Variants in PTPRN2 observed in about 807,000 individuals in gnomAD.
PTPRN2 encodes protein tyrosine phosphatase receptor type N2.
In PTPRN2, 74 loss-of-function variants were observed where a neutral mutation model predicts 118.8. The ratio of observed to expected loss-of-function variants is 0.62; its 90% CI spans 0.52 to 0.76. The LOEUF (loss-of-function observed/expected upper bound fraction) is 0.76, where lower values mean the gene tolerates loss of function less well. Among genes scored for constraint, PTPRN2 ranks in the 30% least tolerant of loss-of-function variants. The pLI is 0.00. For synonymous variants in PTPRN2, 641 were observed against 608.0 expected (o/e 1.05, Z -0.80); for missense variants, 1,481 against 1,394.4 (o/e 1.06, Z -0.99).
intron 12 of PTPRN2, among the ~76,000 whole-genome samples, chr7:157,820,980 G>A (rs922767878): frequency 2.6e-5 from 4 of 152,138 alleles, no homozygotes; most frequent in Non-Finnish European, 4.4e-5. Context: ...TCCCACGCTG[G>A]AGGGGAGGCA....
chr7:158,464,770 A>G (rs1226528459), intron 2 of PTPRN2, among the ~76,000 whole-genome samples: 1 of 151,326 alleles, frequency 6.6e-6, no homozygotes, highest in African/African-American at 2.4e-5. Flanking sequence ...CTTCATCATC[A>G]CCATCATCAT....
rs571353489 is a variant in PTPRN2 at position 157,694,470 on chromosome 7, C to G, written c.1789-11533G>C. ...GACCTCAGTGGGGCTGCAGAACTGG[C>G]CTCGCCAAAGCTGAAGGCGGACCCA... is the stretch of plus-strand genomic sequence containing the variant. On this transcript the variant is annotated intron_variant, in intron 12 of 22. Coordinates refer to ENST00000389418, the MANE Select transcript of PTPRN2 (RefSeq NM_002847.5). Among the ~76,000 whole-genome samples, 20 of 152,308 alleles carry G rather than the reference C, an allele frequency of 1.3e-4. No individual in the cohort carries two copies. The East Asian group carries it at 3.7e-3, about 28-fold the overall frequency.
intron 2 of PTPRN2, among the ~76,000 whole-genome samples, chr7:158,440,837 T>C (rs1291033330): frequency 9.9e-6 from 1 of 101,126 alleles, no homozygotes; most frequent in Non-Finnish European, 1.9e-5. Flanking sequence ...GTGGTGGTGA[T>C]GGCAGTGACG....
chr7:158,422,679 C>T (rs1815354868), intron 2 of PTPRN2, among the ~76,000 whole-genome samples: 1 of 151,388 alleles, frequency 6.6e-6, no homozygotes, highest in Admixed American at 6.6e-5. Flanking sequence ...CAGGCTGACG[C>T]TGCCGGCTTC....
intron 12 of PTPRN2, among the ~76,000 whole-genome samples, chr7:157,737,517 G>A (rs1249373701): frequency 2.0e-5 from 3 of 152,254 alleles, no homozygotes; most frequent in African/African-American, 7.2e-5. Context: ...CAGGCAGGAG[G>A]GCTGAGCTTC....
intron 17 of PTPRN2, among the ~76,000 whole-genome samples, chr7:157,580,926 GAGCCCCTGCACACCCC>G (rs1291230011): frequency 1.2e-4 from 5 of 40,922 alleles, no homozygotes; most frequent in African/African-American, 4.1e-4. Flanking sequence ...CTGCACACCC[GAGCCCCTGCACACCCC>G]AGCCCCTGCA....
chr7:157,650,427 CG>C (rs1384789307), intron 14 of PTPRN2, among the ~76,000 whole-genome samples: 2 of 152,246 alleles, frequency 1.3e-5, no homozygotes, highest in Non-Finnish European at 2.9e-5. Flanking sequence ...GCCACAAAGC[CG>C]GCATCGTCCA....
Position 157,579,143 on chromosome 7 carries a change from T to A in PTPRN2, c.2497-1003A>T, listed in dbSNP as rs1405646328. Among the ~76,000 whole-genome samples the A allele has an allele frequency of 3.3e-5, 5 of 152,246 alleles. No individual in the cohort carries two copies. The East Asian group carries it at 7.7e-4, about 23-fold the overall frequency. ...GTTACTGAATTCCACATTTATATTTTAAAAATCAGACACAAACACGACATT... is the reference window on the plus strand; with the variant it reads ...GTTACTGAATTCCACATTTATATTTAAAAAATCAGACACAAACACGACATT... On this transcript the variant is annotated intron_variant, in intron 17 of 22. Coordinates refer to ENST00000389418, the MANE Select transcript of PTPRN2 (RefSeq NM_002847.5).
rs539064125 is a variant in PTPRN2 at position 158,478,216 on chromosome 7, G to A, written c.163+11519C>T. ...AGAAGGCTCAGCCCATGACTGCTAC[G>A]TCTGGTCCCCAGGACCCAAACTGTC... On this transcript the variant is annotated intron_variant, in intron 2 of 22. Coordinates refer to ENST00000389418, the MANE Select transcript of PTPRN2 (RefSeq NM_002847.5). Among the ~76,000 whole-genome samples the A allele has an allele frequency of 1.2e-4, 19 of 152,334 alleles. 1 individual carries two copies. The South Asian group carries it at 3.3e-3, about 27-fold the overall frequency.
At chr7:157,628,527 C>A (rs1264573603) in intron 14 of PTPRN2, among the ~76,000 whole-genome samples, 1 of 152,248 alleles carries the variant, frequency 6.6e-6, no homozygotes, top group African/African-American at 2.4e-5. Context: ...CAGTCTTACA[C>A]AGAACGGTGT....
intron 14 of PTPRN2, among the ~76,000 whole-genome samples, chr7:157,644,419 G>A (rs770606077): frequency 6.6e-6 from 1 of 152,186 alleles, no homozygotes; most frequent in Admixed American, 6.5e-5. Context: ...GCCCCAGCAG[G>A]CCAGGGCAGG....
At chr7:158,400,985 A>C (rs976505689) in intron 2 of PTPRN2, among the ~76,000 whole-genome samples, 2 of 152,040 alleles carry the variant, frequency 1.3e-5, no homozygotes, top group African/African-American at 2.4e-5. Context: ...AGCTTCCCCG[A>C]CTGCGGTGGG....
intron 11 of PTPRN2, among the ~76,000 whole-genome samples, chr7:158,062,844 T>C (rs1810457183): frequency 6.6e-6 from 1 of 152,190 alleles, no homozygotes; most frequent in Non-Finnish European, 1.5e-5. Flanking sequence ...CCACCATGCC[T>C]GAGCCTCCCC....
At chr7:157,803,303 T>C (rs1327453846) in intron 12 of PTPRN2, among the ~76,000 whole-genome samples, 1 of 152,172 alleles carries the variant, frequency 6.6e-6, no homozygotes, top group Non-Finnish European at 1.5e-5. Context: ...ATCCGTTATG[T>C]GGTATGCAAA....
chr7:158,081,166 A>C, intron 11 of PTPRN2, 132 bp downstream of exon 11: 1 of 880,196 alleles, frequency 1.1e-6, no homozygotes. Context: ...GGAAACCGAG[A>C]CCTTCCTCTG....
chr7:157,605,060 G>C (rs1419168482), intron 15 of PTPRN2, among the ~76,000 whole-genome samples: 1 of 152,258 alleles, frequency 6.6e-6, no homozygotes, highest in East Asian at 1.9e-4. Context: ...TCTGTGGCCG[G>C]TGGCGCCTTT....
chr7:157,993,713 G>T (rs1228651295), intron 11 of PTPRN2, among the ~76,000 whole-genome samples: 1 of 152,160 alleles, frequency 6.6e-6, no homozygotes, highest in Non-Finnish European at 1.5e-5. Flanking sequence ...ACCCAGCACG[G>T]GTCCAGGACA....
intron 12 of PTPRN2, among the ~76,000 whole-genome samples, chr7:157,838,922 C>T (rs1049086949): frequency 2.4e-5 from 3 of 126,944 alleles, no homozygotes; most frequent in South Asian, 3.0e-4. Context: ...GTGGATGGCA[C>T]GGGAGAAAGC....
At position 157,652,277 on chromosome 7, in the gene PTPRN2, C is replaced by T. The variant is rs143208732; in HGVS notation, c.2196+4080G>A. On this transcript the variant is annotated intron_variant, in intron 14 of 22. Coordinates refer to ENST00000389418, the MANE Select transcript of PTPRN2 (RefSeq NM_002847.5). The stretch of plus-strand genomic sequence containing the variant: ...CACAACCCCTTCCTCTCCAGCCCGA[C>T]GCACCTTCGGCACAGGTGAGGTCTC... 9.3e-4 allele frequency among the ~76,000 whole-genome samples: 141 copies of T among 152,324 alleles called. 3 individuals carry two copies. Among genetic ancestry groups the T allele is most frequent in the African/African-American group, 3.2e-3 (135 of 41,576 alleles).
Sources: gnomAD v4.1 joint callset for allele counts (sites outside exome capture counted in the v4.1 genomes callset) on GRCh38, gnomAD v4.1.1 for gene constraint, MANE v1.5 for transcripts, NCBI Gene and HGNC (gene_info 2026-07-23, HGNC 2026-07-21) for gene names.